Variants in CARMIL1 observed in about 807,000 individuals in gnomAD.
CARMIL1 encodes the protein F-actin-uncapping protein LRRC16A.
A neutral mutation model predicts 177.1 loss-of-function variants in CARMIL1; 90 were observed. The ratio of observed to expected loss-of-function variants is 0.51; its 90% CI spans 0.43 to 0.61. The LOEUF is 0.61. CARMIL1 is among the 20% of genes least tolerant of loss of function. CARMIL1 has a pLI of 0.00. For missense variants in CARMIL1, 1,380 were observed against 1,667.0 expected, an observed-to-expected ratio of 0.83 and a Z score of 3.00; for synonymous variants, 577 against 606.2, an observed-to-expected ratio of 0.95 and a Z score of 0.71.
Position 25,528,885 on chromosome 6 carries a change from A to G in CARMIL1, c.2059A>G (p.Thr687Ala). The change falls in exon 24 of 37, where the codon ACC becomes GCC. Residue 687 changes from threonine to alanine, a missense_variant. Physicochemically the swap from Thr to Ala is moderately conservative, Grantham distance 58. Transcript: ENST00000329474. ...RLQQGIVTST[T>A]QQMIDRICVK... ...GCAGCAGGGTATTGTCACCAGCACC[A>G]CCCAGCAGGTAAGCGAGCCAGTGCC... is the stretch of plus-strand genomic sequence containing the variant. The G allele has an allele frequency of 6.2e-7, 1 of 1,603,288 alleles. No homozygotes were observed. The highest frequency in any genetic ancestry group is 1.7e-5 in the Admixed American group (1 of 58,564).
intron 29 of CARMIL1, among the ~76,000 whole-genome samples, chr6:25,570,859 C>T (rs562561673): frequency 6.6e-6 from 1 of 152,258 alleles, no homozygotes; most frequent in South Asian, 2.1e-4. Context: ...TGATTTATTG[C>T]AGCTTTCTCA....
intron 8 of CARMIL1, among the ~76,000 whole-genome samples, chr6:25,460,360 G>T (rs1310002186): frequency 6.6e-6 from 1 of 152,208 alleles, no homozygotes; most frequent in Non-Finnish European, 1.5e-5. Context: ...GACCTCATCA[G>T]AGTCTTGATT....
chr6:25,551,185 G>A (rs182299026), intron 27 of CARMIL1, 100 bp downstream of exon 27: 17 of 639,846 alleles, frequency 2.7e-5, no homozygotes, highest in Non-Finnish European at 3.7e-5. Flanking sequence ...CATATATAAT[G>A]TGTTTAGGCA....
At chr6:25,507,145 C>T (rs1425346736) in intron 17 of CARMIL1, among the ~76,000 whole-genome samples, 1 of 152,142 alleles carries the variant, frequency 6.6e-6, no homozygotes, top group Non-Finnish European at 1.5e-5. Context: ...ACCAGTTTTA[C>T]ATGCACACAT....
intron 2 of CARMIL1, among the ~76,000 whole-genome samples, chr6:25,311,215 G>A (rs958822281): frequency 3.3e-5 from 5 of 151,998 alleles, no homozygotes; most frequent in African/African-American, 9.7e-5. Flanking sequence ...AAACCATGAC[G>A]GGTTGAACGC....
chr6:25,462,879 C>T (rs1800244986), intron 8 of CARMIL1, among the ~76,000 whole-genome samples: 1 of 152,178 alleles, frequency 6.6e-6, no homozygotes, highest in Non-Finnish European at 1.5e-5. Flanking sequence ...CATCTCTTAG[C>T]TCTCAGAGCC....
Position 25,279,423 on chromosome 6 carries a change from G to T in CARMIL1, c.-373G>T. The T allele has an allele frequency of 2.8e-6, 1 of 353,246 alleles. No homozygotes were observed. The highest frequency in any genetic ancestry group is 5.2e-6 in the Non-Finnish European group (1 of 191,174). The allele number at this position is 353,246 out of a possible 1,614,324, so 21.9% of individuals were successfully genotyped here. On this transcript the variant is annotated 5_prime_UTR_variant, in exon 1 of 37. Coordinates refer to ENST00000329474, the MANE Select transcript of CARMIL1 (RefSeq NM_017640.6). The stretch of plus-strand genomic sequence containing the variant: ...CACCTAGGGCTGTAGGTGCGGCGCG[G>T]AGGCTGGGCGGGAGCTACGCCGGCC...
intron 12 of CARMIL1, among the ~76,000 whole-genome samples, chr6:25,482,846 A>G (rs1432236848): frequency 7.1e-6 from 1 of 140,506 alleles, no homozygotes; most frequent in East Asian, 2.1e-4. Context: ...TTTTTCCATC[A>G]AATCCTGTCA....
intron 8 of CARMIL1, among the ~76,000 whole-genome samples, chr6:25,462,597 G>A (rs897892368): frequency 3.3e-5 from 5 of 152,138 alleles, no homozygotes; most frequent in Non-Finnish European, 4.4e-5. Flanking sequence ...TCCCCATGCT[G>A]TTGTACGTGC....
At chr6:25,498,026 CTT>C (rs1803913825) in intron 16 of CARMIL1, among the ~76,000 whole-genome samples, 2 of 152,170 alleles carry the variant, frequency 1.3e-5, no homozygotes, top group Admixed American at 1.3e-4. Flanking sequence ...CAAGGATGCT[CTT>C]TGCTCCAGCA....
chr6:25,288,901 GT>G (rs1435387519), intron 2 of CARMIL1, among the ~76,000 whole-genome samples: 1 of 152,224 alleles, frequency 6.6e-6, no homozygotes, highest in African/African-American at 2.4e-5. Flanking sequence ...ATTTGGCAGA[GT>G]GTTAAAGATA....
At chr6:25,502,360 C>T (rs1367943423) in intron 17 of CARMIL1, among the ~76,000 whole-genome samples, 1 of 151,738 alleles carries the variant, frequency 6.6e-6, no homozygotes, top group Non-Finnish European at 1.5e-5. Context: ...AGTTCAAGAC[C>T]AGCCTGGCCA....
At chr6:25,526,623 G>T (rs1307896321) in intron 23 of CARMIL1, among the ~76,000 whole-genome samples, 1 of 151,620 alleles carries the variant, frequency 6.6e-6, no homozygotes, top group African/African-American at 2.4e-5. Context: ...TGCAGTCATG[G>T]TTCACTATAG....
chr6:25,458,193 T>G (rs1156615402), intron 8 of CARMIL1, among the ~76,000 whole-genome samples: 1 of 152,192 alleles, frequency 6.6e-6, no homozygotes, highest in Non-Finnish European at 1.5e-5. Context: ...CAATCCCTTG[T>G]CAACTTCTTT....
At chr6:25,303,091 G>A (rs1225208331) in intron 2 of CARMIL1, among the ~76,000 whole-genome samples, 3 of 149,282 alleles carry the variant, frequency 2.0e-5, no homozygotes, top group East Asian at 3.9e-4. Flanking sequence ...GAAATTGCAT[G>A]TACTTTCAAC....
chr6:25,454,003 A>G (rs1460200481), intron 8 of CARMIL1, among the ~76,000 whole-genome samples: 1 of 152,230 alleles, frequency 6.6e-6, no homozygotes, highest in Non-Finnish European at 1.5e-5. Flanking sequence ...CACCACGTTT[A>G]ATTAACCTGT....
Position 25,581,398 on chromosome 6 carries a change from A to C in CARMIL1, c.2965A>C (p.Arg989=), listed in dbSNP as rs1562307244. The C allele has an allele frequency of 6.2e-7, 1 of 1,613,276 alleles. No individual in the cohort carries two copies. Residue 989 remains arginine, a synonymous_variant, in exon 31 of 37, where the codon AGG becomes CGG. Transcript: ENST00000329474. ...GAAGCTGGAACACTTTACCAAGTTA[A>C]GGCCAAAAAGGAATAAGAAGCAGCA... ...GKKLEHFTKL[R]PKRNKKQQPT...
intron 2 of CARMIL1, among the ~76,000 whole-genome samples, chr6:25,332,453 T>A (rs1291725057): frequency 6.6e-6 from 1 of 151,894 alleles, no homozygotes; most frequent in Non-Finnish European, 1.5e-5. Context: ...GAGTTCTGAA[T>A]GTATTTTTAA....
chr6:25,293,265 GGTGTGTGTGTGTGTGTGTGTGTGT>G (rs57127326), intron 2 of CARMIL1, among the ~76,000 whole-genome samples: 1 of 134,300 alleles, frequency 7.4e-6, no homozygotes, highest in East Asian at 2.2e-4. Flanking sequence ...AAGGATGCTT[GGTGTGTGTGTGTGTGTGTGTGTGT>G]GTGTGTGTGT....
Sources: gnomAD v4.1 joint callset for allele counts (sites outside exome capture counted in the v4.1 genomes callset) on GRCh38, gnomAD v4.1.1 for gene constraint, MANE v1.5 for transcripts, NCBI Gene and HGNC (gene_info 2026-07-23, HGNC 2026-07-21) for gene names.